The following NLGN1 variants were observed in gnomAD, a reference collection of about 807,000 sequenced individuals.
NLGN1 encodes the protein neuroligin 1.
Under a neutral mutation model 65.5 loss-of-function variants are expected in NLGN1, and 12 were observed. The observed-to-expected ratio is 0.18, with a 90% CI of 0.12 to 0.30. The LOEUF is 0.30. NLGN1 is among the 10% of genes least tolerant of loss of function. The pLI, the probability that NLGN1 is intolerant of heterozygous loss-of-function variation, is 1.00. For synonymous variants in NLGN1, 350 were observed against 359.5 expected (o/e 0.97, Z 0.30); for missense variants, 750 against 1,007.1 (o/e 0.74, Z 3.46).
At chr3:173,610,543 G>A (rs1000000856) in intron 3 of NLGN1, among the ~76,000 whole-genome samples, 1 of 151,914 alleles carries the variant, frequency 6.6e-6, no homozygotes, top group African/African-American at 2.4e-5. Flanking sequence ...GATAACAAAA[G>A]AAACAAGACA....
At position 173,918,630 on chromosome 3, in the gene NLGN1, CAAAAAA is replaced by C. The variant is rs558281371; in HGVS notation, c.646+110813_646+110818del. Reference sequence around the variant, plus strand: ...CCTGGGTGACAGTGAGACTCCATCTCAAAAAAAAAAAAAAAAAAAAGAAATACATAT... The same window carrying C: ...CCTGGGTGACAGTGAGACTCCATCTCAAAAAAAAAAAAAAGAAATACATAT... On this transcript the variant is annotated intron_variant, in intron 4 of 6. Transcript: ENST00000457714. Among the ~76,000 whole-genome samples the C allele has an allele frequency of 9.2e-3, 565 of 61,452 alleles. 4 individuals are homozygous for C. The highest frequency in any genetic ancestry group is 0.052 in the Admixed American group (227 of 4,344). The allele number at this position is 61,452 out of a possible 152,430, so 40.3% of individuals were successfully genotyped here. A position where few individuals can be genotyped will look rare whatever the true frequency, so the allele number is the denominator to read the frequency against.
At chr3:173,469,177 T>C (rs1475645825) in intron 2 of NLGN1, among the ~76,000 whole-genome samples, 3 of 152,160 alleles carry the variant, frequency 2.0e-5, no homozygotes, top group Non-Finnish European at 4.4e-5. Context: ...TTTCCAGTTC[T>C]TACTGGTAAA....
chr3:173,740,068 G>T (rs1430368881), intron 3 of NLGN1, among the ~76,000 whole-genome samples: 3 of 152,060 alleles, frequency 2.0e-5, no homozygotes, highest in Non-Finnish European at 4.4e-5. Context: ...ACAAACCTTA[G>T]TTTAAATTTT....
At chr3:173,808,116 G>A (rs1376120522) in intron 4 of NLGN1, among the ~76,000 whole-genome samples, 2 of 152,040 alleles carry the variant, frequency 1.3e-5, no homozygotes, top group Non-Finnish European at 2.9e-5. Flanking sequence ...GTACATCTTT[G>A]AACAAATATT....
intron 2 of NLGN1, among the ~76,000 whole-genome samples, chr3:173,456,275 C>T (rs979854304): frequency 6.6e-6 from 1 of 151,974 alleles, no homozygotes; most frequent in African/African-American, 2.4e-5. Context: ...GAAACAGTGA[C>T]AAGACAGGAG....
chr3:173,827,829 G>A (rs112426532), intron 4 of NLGN1, among the ~76,000 whole-genome samples: 1 of 151,914 alleles, frequency 6.6e-6, no homozygotes, highest in African/African-American at 2.4e-5. Flanking sequence ...ATGTCCAAGA[G>A]CAGAAAATAG....
At chr3:173,716,369 T>A (rs1374931543) in intron 3 of NLGN1, among the ~76,000 whole-genome samples, 2 of 152,216 alleles carry the variant, frequency 1.3e-5, no homozygotes, top group African/African-American at 4.8e-5. Context: ...ATACCACCTA[T>A]ACATTGTGTT....
intron 4 of NLGN1, among the ~76,000 whole-genome samples, chr3:174,243,348 C>T (rs999463596): frequency 1.3e-5 from 2 of 152,088 alleles, no homozygotes; most frequent in Non-Finnish European, 2.9e-5. Flanking sequence ...CGTGGGTGGG[C>T]AGGCTGGAGA....
At chr3:173,526,116 G>T (rs992010723) in intron 2 of NLGN1, among the ~76,000 whole-genome samples, 1 of 152,016 alleles carries the variant, frequency 6.6e-6, no homozygotes, top group African/African-American at 2.4e-5. Context: ...TATTAGATCC[G>T]TAGATATTTA....
At chr3:173,899,504 A>G (rs1490210558) in intron 4 of NLGN1, among the ~76,000 whole-genome samples, 4 of 152,178 alleles carry the variant, frequency 2.6e-5, no homozygotes, top group Non-Finnish European at 4.4e-5. Flanking sequence ...AACTATGACC[A>G]ATAGGCCAAA....
At chr3:174,120,898 T>C (rs568598921) in intron 4 of NLGN1, among the ~76,000 whole-genome samples, 171 of 152,316 alleles carry the variant, frequency 1.1e-3, no homozygotes, top group Non-Finnish European at 2.0e-3. Context: ...ACGACTCTAC[T>C]GGCTATATTC....
intron 3 of NLGN1, among the ~76,000 whole-genome samples, chr3:173,701,240 A>G (rs1381379273): frequency 2.0e-5 from 3 of 152,226 alleles, no homozygotes; most frequent in African/African-American, 7.2e-5. Flanking sequence ...CTGTGAACAT[A>G]TTAGCCTGCA....
chr3:173,588,894 CA>C (rs201067143), intron 2 of NLGN1, among the ~76,000 whole-genome samples: 3,155 of 152,022 alleles, frequency 0.021, 46 homozygotes, highest in Non-Finnish European at 0.032. Context: ...AATGTGTAGT[CA>C]AAAAAATGAC....
upstream of NLGN1, chr3:173,397,737 G>T (rs1293165524): frequency 1.3e-5 from 2 of 152,226 alleles, no homozygotes; most frequent in East Asian, 3.9e-4. Context: ...TGGGCGGGCG[G>T]GGGAGCGCCG....
chr3:173,745,579 A>G (rs898317723), intron 3 of NLGN1, among the ~76,000 whole-genome samples: 3 of 152,044 alleles, frequency 2.0e-5, no homozygotes, highest in Non-Finnish European at 4.4e-5. Flanking sequence ...GGAAGGTAGT[A>G]TACATTGTTT....
In NLGN1 at chr3:173,857,460, G is replaced by A. The variant is rs114029832; in HGVS notation, c.646+49628G>A. Among the ~76,000 whole-genome samples, 1,112 of 151,844 alleles carry A rather than the reference G, an allele frequency of 7.3e-3. 20 individuals are homozygous for A. Among genetic ancestry groups the A allele is most frequent in the East Asian group, 0.024 (125 of 5,158 alleles). ...ACTTTCTTTTTTCAAAACCCAATAC[G>A]TTTTCCAATTTATTTAACTGTTTGA... is the stretch of plus-strand genomic sequence containing the variant. On this transcript the variant is annotated intron_variant, in intron 4 of 6. Transcript: ENST00000457714.
intron 4 of NLGN1, among the ~76,000 whole-genome samples, chr3:174,018,087 G>C (rs1028577269): frequency 6.6e-6 from 1 of 152,078 alleles, no homozygotes; most frequent in African/African-American, 2.4e-5. Context: ...CTTTCTCAGG[G>C]ATGTCCCTTG....
chr3:173,956,014 A>G (rs917931129), intron 4 of NLGN1, among the ~76,000 whole-genome samples: 4 of 152,138 alleles, frequency 2.6e-5, no homozygotes, highest in African/African-American at 9.7e-5. Flanking sequence ...TTATATTCCT[A>G]CTAGAGAATA....
chr3:174,086,193 G>T (rs1314039330), intron 4 of NLGN1, among the ~76,000 whole-genome samples: 1 of 84,942 alleles, frequency 1.2e-5, no homozygotes, highest in Non-Finnish European at 2.2e-5. Flanking sequence ...ATGTGTGTGT[G>T]TGTGTGTGTG....
Sources: allele counts gnomAD v4.1 joint callset (sites outside exome capture counted in the v4.1 genomes callset), GRCh38; gene constraint gnomAD v4.1.1; transcripts MANE v1.5; gene names NCBI Gene and HGNC (gene_info 2026-07-23, HGNC 2026-07-21).